TNKS2: variants seen among roughly 807,000 people sequenced by gnomAD.
TNKS2 encodes poly [ADP-ribose] polymerase tankyrase-2.
In TNKS2, 72 loss-of-function variants were observed where a neutral mutation model predicts 137.6. The ratio of observed to expected loss-of-function variants is 0.52; its 90% CI spans 0.43 to 0.64. The LOEUF is 0.64. TNKS2 is among the 30% of genes least tolerant of loss of function. TNKS2 has a pLI of 0.00. For missense variants in TNKS2, 1,049 were observed against 1,410.2 expected, an observed-to-expected ratio of 0.74 and a Z score of 4.10; for synonymous variants, 516 against 512.1, an observed-to-expected ratio of 1.01 and a Z score of -0.10.
At chr10:91,833,061 G>A (rs1841871049) in intron 11 of TNKS2, among the ~76,000 whole-genome samples, 1 of 152,048 alleles carries the variant, frequency 6.6e-6, no homozygotes. Flanking sequence ...TTCTTTAGAT[G>A]TAAAATGTGC....
At chr10:91,851,840 ATATTTT>A (rs1177100229) in intron 21 of TNKS2, among the ~76,000 whole-genome samples, 1 of 152,204 alleles carries the variant, frequency 6.6e-6, no homozygotes, top group African/African-American at 2.4e-5. Flanking sequence ...AAGTTGAATA[ATATTTT>A]TATTTCTCCT....
chr10:91,835,994 G>A (rs11597904), intron 12 of TNKS2, among the ~76,000 whole-genome samples: 1 of 133,328 alleles, frequency 7.5e-6, no homozygotes, highest in Non-Finnish European at 1.6e-5. Flanking sequence ...CCTTTCATAA[G>A]AATACCGTGT....
At chr10:91,840,472 G>C in intron 13 of TNKS2, 89 bp from the exon 14 acceptor site, 1 of 1,193,206 alleles carries the variant, frequency 8.4e-7, no homozygotes, top group Non-Finnish European at 1.2e-6. Context: ...AAATAAGTCA[G>C]ACACTTTGAA....
chr10:91,839,770 T>TA (rs1324467656), intron 13 of TNKS2, among the ~76,000 whole-genome samples: 1 of 152,212 alleles, frequency 6.6e-6, no homozygotes, highest in Non-Finnish European at 1.5e-5. Context: ...ACCACTGCTC[T>TA]AAAGGAGTAC....
chr10:91,822,528 G>C (rs1040985635), intron 7 of TNKS2, among the ~76,000 whole-genome samples, 166 bp downstream of exon 7: 5 of 151,810 alleles, frequency 3.3e-5, no homozygotes, highest in African/African-American at 7.3e-5. Flanking sequence ...CTCAGCATTT[G>C]ACTGCTTTGA....
chr10:91,833,805 T>G (rs771880632), intron 11 of TNKS2, 48 bp from the exon 12 acceptor site: 2 of 1,463,116 alleles, frequency 1.4e-6, no homozygotes, highest in Admixed American at 4.5e-5. Flanking sequence ...TTGTATGGTT[T>G]TAAATTTTGC....
rs919168368 is a variant in TNKS2, at chr10:91,863,826, A to C, written c.*827A>C. ...TTTCTGCAGTCCTTCTGTGAAAATT[A>C]GAGCAAAGTGCTCCTGTTTTTTAGA... On this transcript the variant is annotated 3_prime_UTR_variant, in exon 27 of 27. Coordinates refer to ENST00000371627, the MANE Select transcript of TNKS2 (RefSeq NM_025235.4). The C allele has an allele frequency of 6.6e-6, 1 of 152,210 alleles. No homozygotes were observed. Among genetic ancestry groups the C allele is most frequent in the African/African-American group, 2.4e-5 (1 of 41,448 alleles). 9.4% of individuals were successfully genotyped at this position (152,210 alleles called of 1,614,324 possible).
chr10:91,807,397 C>G, intron 1 of TNKS2: 1 of 1,614,076 alleles, frequency 6.2e-7, no homozygotes, highest in South Asian at 1.1e-5. Flanking sequence ...TAAAGCTTCT[C>G]GGCAGCGCGG....
intron 9 of TNKS2, among the ~76,000 whole-genome samples, chr10:91,828,729 T>G (rs1403763278): frequency 2.0e-5 from 3 of 152,172 alleles, no homozygotes; most frequent in Admixed American, 6.5e-5. Context: ...ATGCTTAGGT[T>G]AGAAAATTTG....
In TNKS2 at chr10:91,848,421, C is replaced by G. The variant is rs1249587000; in HGVS notation, c.2397C>G (p.Pro799=). Residue 799 remains proline (P), a synonymous_variant, in exon 19 of 27, where the codon CCC becomes CCG. Transcript: ENST00000371627. ...GCGCTCTTCTGACAGCAGCCATGCC[C>G]CCATCTGCTCTGCCCTCTTGTTACA... is the stretch of plus-strand genomic sequence containing the variant. The part of the protein sequence containing the change: ...DVSALLTAAM[P]PSALPSCYKP... 4 of 1,614,082 alleles carry G rather than the reference C, an allele frequency of 2.5e-6. No homozygotes were observed. Among genetic ancestry groups the G allele is most frequent in the Middle Eastern group, 1.6e-4 (1 of 6,084 alleles).
intron 1 of TNKS2, among the ~76,000 whole-genome samples, chr10:91,799,111 A>G (rs528951771): frequency 1.3e-5 from 2 of 152,140 alleles, no homozygotes; most frequent in African/African-American, 4.8e-5. Flanking sequence ...TTTTTTTGCC[A>G]GGTGTTGGGG....
chr10:91,831,010 A>G lies in TNKS2; in HGVS notation c.1192A>G (p.Lys398Glu). The G allele has an allele frequency of 6.2e-7, 1 of 1,612,966 alleles. No homozygotes were observed. Among genetic ancestry groups the G allele is most frequent in the Non-Finnish European group, 8.5e-7 (1 of 1,179,600 alleles). Residue 398 changes from lysine to glutamate, a missense_variant, in exon 10 of 27, where the codon AAA becomes GAA. This residue lies in a region of TNKS2 where 328 missense variants were observed against 436.0 expected (regional missense o/e 0.75). Transcript: ENST00000371627. ...AGGAGCAAACATCAATGAAAAGACT[A>G]AAGAGTAAGTATACATTTAATGATT... ...RKGANINEKT[K>E]EFLTPLHVAS...
intron 9 of TNKS2, among the ~76,000 whole-genome samples, chr10:91,829,808 T>G (rs1398823065): frequency 2.0e-5 from 3 of 152,188 alleles, no homozygotes; most frequent in African/African-American, 7.2e-5. Context: ...AAGAACAGAT[T>G]TCATGTGTAC....
intron 1 of TNKS2, among the ~76,000 whole-genome samples, chr10:91,801,715 G>A (rs542561531): frequency 2.0e-5 from 3 of 152,206 alleles, no homozygotes; most frequent in Non-Finnish European, 4.4e-5. Context: ...CTCGTGATCC[G>A]CCTGCCTCGG....
intron 20 of TNKS2, among the ~76,000 whole-genome samples, chr10:91,849,854 C>G (rs914720135): frequency 5.3e-5 from 8 of 151,468 alleles, no homozygotes; most frequent in African/African-American, 1.9e-4. Context: ...AGTAAGTTAT[C>G]CTTGAGCACT....
chr10:91,825,349 C>T (rs914536849), intron 7 of TNKS2, among the ~76,000 whole-genome samples: 3 of 152,120 alleles, frequency 2.0e-5, no homozygotes, highest in Admixed American at 1.3e-4. Context: ...GCGATCCACC[C>T]ACCTCAGCCT....
chr10:91,861,917 A>T (rs1842863235), intron 25 of TNKS2, 82 bp from the exon 26 acceptor site: 2 of 1,286,434 alleles, frequency 1.6e-6, no homozygotes, highest in African/African-American at 1.5e-5. Flanking sequence ...ATAATTTTTT[A>T]AAACTTATGC....
intron 11 of TNKS2, among the ~76,000 whole-genome samples, chr10:91,832,911 T>A (rs749294090): frequency 3.0e-4 from 45 of 152,190 alleles, no homozygotes; most frequent in Non-Finnish European, 5.7e-4. Flanking sequence ...ACTCTAGTGT[T>A]TTATTACATA....
chr10:91,853,412 C>T (rs1842610560), intron 21 of TNKS2, among the ~76,000 whole-genome samples: 1 of 152,164 alleles, frequency 6.6e-6, no homozygotes, highest in Non-Finnish European at 1.5e-5. Context: ...CATAAAGTTA[C>T]CATCTTCTTT....
Sources: allele counts gnomAD v4.1 joint callset (sites outside exome capture counted in the v4.1 genomes callset), GRCh38; gene constraint gnomAD v4.1.1; regional missense constraint gnomAD v4.1.1; transcripts MANE v1.5; gene names NCBI Gene and HGNC (gene_info 2026-07-23, HGNC 2026-07-21).